The following MIER1 variants were observed in gnomAD, a reference collection of about 807,000 sequenced individuals.
The protein encoded by MIER1 is MIER1 transcriptional regulator, also known as mesoderm induction early response protein 1.
Under a neutral mutation model 75.7 loss-of-function variants are expected in MIER1, and 40 were observed. The observed-to-expected ratio is 0.53, with a 90% CI of 0.41 to 0.69. MIER1 has a LOEUF of 0.69. Among genes scored for constraint, MIER1 ranks in the 30% least tolerant of loss-of-function variants. The pLI is 0.00. For missense variants in MIER1, 574 were observed against 680.2 expected, an observed-to-expected ratio of 0.84 and a Z score of 1.74; for synonymous variants, 213 against 223.4, an observed-to-expected ratio of 0.95 and a Z score of 0.42.
chr1:66,956,910 A>T (rs1217098903), intron 4 of MIER1, among the ~76,000 whole-genome samples: 6 of 152,230 alleles, frequency 3.9e-5, no homozygotes, highest in Middle Eastern at 3.2e-3. Context: ...GTATCATCTA[A>T]TCCAGTCTGA....
intron 7 of MIER1, among the ~76,000 whole-genome samples, chr1:66,962,112 A>C (rs1661366857): frequency 6.6e-6 from 1 of 152,172 alleles, no homozygotes; most frequent in African/African-American, 2.4e-5. Context: ...CACACAAAAG[A>C]GGGTTCATGT....
chr1:66,981,705 C>G (rs1052394154), intron 12 of MIER1, 74 bp from the exon 13 acceptor site: 15 of 1,183,716 alleles, frequency 1.3e-5, no homozygotes, highest in Non-Finnish European at 1.7e-5. Context: ...TTAAGAAAGC[C>G]TTCTGAATTT....
At chr1:66,953,958 A>C (rs1659565017) in intron 4 of MIER1, among the ~76,000 whole-genome samples, 1 of 152,126 alleles carries the variant, frequency 6.6e-6, no homozygotes, top group Non-Finnish European at 1.5e-5. Context: ...CCATGTGATA[A>C]AGCCCATCTA....
chr1:66,925,204 T>A, intron 1 of MIER1, 109 bp downstream of exon 1: 1 of 1,417,022 alleles, frequency 7.1e-7, no homozygotes, highest in Admixed American at 3.4e-5. Context: ...CCCACGGCAG[T>A]GTACCGCCCG....
intron 3 of MIER1, among the ~76,000 whole-genome samples, chr1:66,942,251 C>T (rs887534796): frequency 6.6e-6 from 1 of 152,174 alleles, no homozygotes; most frequent in African/African-American, 2.4e-5. Flanking sequence ...AGCATCTGTA[C>T]TTTGCAATCA....
chr1:66,961,435 A>G (rs1661235336), intron 7 of MIER1, among the ~76,000 whole-genome samples: 1 of 152,232 alleles, frequency 6.6e-6, no homozygotes, highest in Non-Finnish European at 1.5e-5. Flanking sequence ...AATTGCATAT[A>G]TGATATGTTA....
chr1:66,969,077 G>A (rs1318799565), intron 8 of MIER1, among the ~76,000 whole-genome samples: 1 of 152,076 alleles, frequency 6.6e-6, no homozygotes, highest in Non-Finnish European at 1.5e-5. Context: ...TTATAATTTA[G>A]GATATAACTA....
chr1:66,941,603 A>C (rs1449393425), intron 3 of MIER1, among the ~76,000 whole-genome samples: 3 of 152,224 alleles, frequency 2.0e-5, no homozygotes, highest in Admixed American at 6.5e-5. Context: ...AAGCGATATT[A>C]GTAAGTGGCT....
intron 4 of MIER1, chr1:66,947,965 C>T: frequency 2.0e-6 from 2 of 985,370 alleles, no homozygotes; most frequent in Non-Finnish European, 2.4e-6. Flanking sequence ...AGCAGCCTTT[C>T]CTGTCCCCTA....
In MIER1 at chr1:66,946,859, C is replaced by G. The variant is rs1657769102; in HGVS notation, c.339+564C>G. The G allele has an allele frequency of 6.1e-6, 6 of 985,038 alleles. No homozygotes were observed. The South Asian group carries it at 2.3e-4, about 39-fold the overall frequency. The allele number at this position is 985,038 out of a possible 1,614,324, so 61.0% of individuals were successfully genotyped here. A position where few individuals can be genotyped will look rare whatever the true frequency, so the allele number is the denominator to read the frequency against. On this transcript the variant is annotated intron_variant, in intron 4 of 13. Transcript: ENST00000401041. ...TATAGTTTAACATTCCCTTCTTTTACTTGAATTCTGGAGTACACCACTGTC... is the reference window on the plus strand; with the variant it reads ...TATAGTTTAACATTCCCTTCTTTTAGTTGAATTCTGGAGTACACCACTGTC...
At chr1:66,983,979 C>T (rs1666406394) in intron 13 of MIER1, among the ~76,000 whole-genome samples, 1 of 152,214 alleles carries the variant, frequency 6.6e-6, no homozygotes, top group Admixed American at 6.5e-5. Flanking sequence ...CCGCCTTGGC[C>T]TCCCAAAGTG....
In MIER1 at chr1:66,987,075, T is replaced by C. The variant is rs1453464696; in HGVS notation, c.*2175T>C. 1 of 152,542 alleles carries C rather than the reference T, an allele frequency of 6.6e-6. No individual in the cohort carries two copies. The highest frequency in any genetic ancestry group is 1.9e-4 in the East Asian group (1 of 5,346). 9.4% of individuals were successfully genotyped at this position (152,542 alleles called of 1,614,324 possible). On this transcript the variant is annotated 3_prime_UTR_variant, in exon 14 of 14. Transcript: ENST00000401041. ...CATGTTTGCAAAAATATGGCACATGTATACATTTTAGGAAATGTTACTTTT... is the reference window on the plus strand; with the variant it reads ...CATGTTTGCAAAAATATGGCACATGCATACATTTTAGGAAATGTTACTTTT...
At chr1:66,937,098 T>C (rs1026919942) in intron 2 of MIER1, among the ~76,000 whole-genome samples, 1 of 150,166 alleles carries the variant, frequency 6.7e-6, no homozygotes, top group Admixed American at 6.6e-5. Context: ...CTCTAGAAGG[T>C]ACAAAAGGAC....
chr1:66,947,382 GT>G (rs1195199326), intron 4 of MIER1: 1 of 151,954 alleles, frequency 6.6e-6, no homozygotes. Flanking sequence ...ATTGACTGTT[GT>G]TTTTTTCTCT....
intron 13 of MIER1, among the ~76,000 whole-genome samples, 158 bp downstream of exon 13, chr1:66,982,076 A>G (rs1666000946): frequency 6.6e-6 from 1 of 152,244 alleles, no homozygotes; most frequent in Non-Finnish European, 1.5e-5. Flanking sequence ...CATATATACT[A>G]ACAGAATACA....
intron 11 of MIER1, 23 bp downstream of exon 11, chr1:66,973,014 T>C: frequency 7.2e-7 from 1 of 1,384,220 alleles, no homozygotes; most frequent in South Asian, 1.2e-5. Flanking sequence ...AATCTCTTTT[T>C]TGCAAAAAGA....
chr1:66,937,597 A>C (rs930753208), intron 2 of MIER1, among the ~76,000 whole-genome samples: 2 of 152,096 alleles, frequency 1.3e-5, no homozygotes, highest in Non-Finnish European at 2.9e-5. Context: ...AAAAAAGAAA[A>C]GAAAAGAAAA....
intron 12 of MIER1, among the ~76,000 whole-genome samples, chr1:66,977,687 A>C (rs186059516): frequency 1.0e-3 from 155 of 152,370 alleles, no homozygotes; most frequent in South Asian, 1.9e-3. Flanking sequence ...TTACTTAAAC[A>C]GAAAAGAGTA....
intron 2 of MIER1, 46 bp downstream of exon 2, chr1:66,926,288 TC>T (rs751400856): frequency 7.3e-7 from 1 of 1,365,576 alleles, no homozygotes; most frequent in Non-Finnish European, 1.0e-6. Context: ...AAATCCAAAC[TC>T]CCTCAAGTAA....
Sources: allele counts gnomAD v4.1 joint callset (sites outside exome capture counted in the v4.1 genomes callset), GRCh38; gene constraint gnomAD v4.1.1; transcripts MANE v1.5; gene names NCBI Gene and HGNC (gene_info 2026-07-23, HGNC 2026-07-21).